Variants in KCMF1 observed in about 807,000 individuals in gnomAD.
KCMF1 encodes the protein potassium channel modulatory factor 1.
Under a neutral mutation model 41.1 loss-of-function variants are expected in KCMF1, and 3 were observed. The ratio of observed to expected loss-of-function variants is 0.07; its 90% CI spans 0.03 to 0.19. The LOEUF is 0.19. Among genes scored for constraint, KCMF1 ranks in the 10% least tolerant of loss-of-function variants. The pLI is 1.00. For missense variants in KCMF1, 286 were observed against 488.9 expected, an observed-to-expected ratio of 0.58 and a Z score of 3.91; for synonymous variants, 142 against 164.5, an observed-to-expected ratio of 0.86 and a Z score of 1.04.
chr2:84,992,068 CCAGACTGT>C (rs1674052544), intron 1 of KCMF1, among the ~76,000 whole-genome samples: 1 of 152,128 alleles, frequency 6.6e-6, no homozygotes, highest in Admixed American at 6.6e-5. Context: ...AACTTTGGAG[CCAGACTGT>C]CTGAGTTCAA....
chr2:85,038,836 G>A (rs374983021), intron 3 of KCMF1, among the ~76,000 whole-genome samples: 1 of 152,154 alleles, frequency 6.6e-6, no homozygotes, highest in South Asian at 2.1e-4. Context: ...CTCAAAAGCA[G>A]AGACGTGAAT....
chr2:85,034,983 T>C, intron 2 of KCMF1, 33 bp from the exon 3 acceptor site: 1 of 1,548,496 alleles, frequency 6.5e-7, no homozygotes, highest in Non-Finnish European at 8.8e-7. Flanking sequence ...TAAAAACTAA[T>C]ATTCCTCAAT....
intron 2 of KCMF1, among the ~76,000 whole-genome samples, chr2:85,030,882 A>G (rs1406515211): frequency 6.6e-6 from 1 of 152,118 alleles, no homozygotes; most frequent in African/African-American, 2.4e-5. Flanking sequence ...TTTTTTGTGG[A>G]GATGGGGTTT....
At chr2:84,990,294 C>G (rs910618062) in intron 1 of KCMF1, among the ~76,000 whole-genome samples, 7 of 152,136 alleles carry the variant, frequency 4.6e-5, no homozygotes, top group Non-Finnish European at 8.8e-5. Context: ...TCTCTAGCAC[C>G]TAGTGCATAT....
intron 1 of KCMF1, among the ~76,000 whole-genome samples, chr2:84,997,388 C>G (rs1038109201): frequency 6.6e-6 from 1 of 151,896 alleles, no homozygotes; most frequent in Non-Finnish European, 1.5e-5. Context: ...TTTTTGCTTT[C>G]TGGATTTCAT....
At chr2:85,024,401 A>C (rs532220812) in intron 1 of KCMF1, among the ~76,000 whole-genome samples, 2 of 152,208 alleles carry the variant, frequency 1.3e-5, no homozygotes, top group Non-Finnish European at 2.9e-5. Context: ...TGAACCCAGG[A>C]GGCGGAGGTT....
intron 1 of KCMF1, among the ~76,000 whole-genome samples, chr2:85,018,774 A>T (rs1037916716): frequency 4.3e-5 from 6 of 139,090 alleles, no homozygotes; most frequent in African/African-American, 1.6e-4. Context: ...TGTTTCTGTT[A>T]TAATACTTTT....
intron 3 of KCMF1, among the ~76,000 whole-genome samples, chr2:85,039,197 A>T (rs1018970336): frequency 5.3e-5 from 8 of 152,218 alleles, no homozygotes; most frequent in Non-Finnish European, 1.2e-4. Flanking sequence ...AATATAACAA[A>T]TTTAGCCAGT....
intron 5 of KCMF1, 22 bp from the exon 6 acceptor site, chr2:85,049,343 AT>A (rs1273012789): frequency 6.2e-7 from 1 of 1,609,246 alleles, no homozygotes; most frequent in Non-Finnish European, 8.5e-7. Flanking sequence ...GCAGACATTA[AT>A]TGTCTTCATT....
intron 1 of KCMF1, among the ~76,000 whole-genome samples, chr2:84,978,394 G>T (rs545909969): frequency 7.2e-5 from 11 of 152,054 alleles, no homozygotes; most frequent in African/African-American, 2.7e-4. Context: ...ATTAAGCTTT[G>T]CAACCTTTTT....
chr2:84,976,639 A>C (rs1237192390), intron 1 of KCMF1, among the ~76,000 whole-genome samples: 1 of 143,048 alleles, frequency 7.0e-6, no homozygotes, highest in Admixed American at 6.7e-5. Flanking sequence ...AAAAAAAAAA[A>C]AACAAAAAAA....
intron 1 of KCMF1, among the ~76,000 whole-genome samples, chr2:85,019,029 G>A (rs940824238): frequency 1.3e-4 from 20 of 151,858 alleles, no homozygotes; most frequent in Admixed American, 7.9e-4. Flanking sequence ...GAGCCACCAC[G>A]CCCAGCCAGA....
At chr2:85,037,326 A>G (rs1193669927) in intron 3 of KCMF1, among the ~76,000 whole-genome samples, 2 of 152,224 alleles carry the variant, frequency 1.3e-5, no homozygotes, top group Admixed American at 6.5e-5. Flanking sequence ...GCAGATAAGA[A>G]TCTTTAATAT....
At position 85,008,363 on chromosome 2, in the gene KCMF1, T is replaced by TATATATGATATATATG. The variant is rs1674556853; in HGVS notation, c.17-19520_17-19519insGATATATATGATATAT. ...ATGATATATAATATATAATATATAT[T>TATATATGATATATATG]ATATATCATATGATATATTATATAT... On this transcript the variant is annotated intron_variant, in intron 1 of 6. Coordinates refer to ENST00000409785, the MANE Select transcript of KCMF1 (RefSeq NM_020122.5). Among the ~76,000 whole-genome samples, 5 of 13,448 alleles carry TATATATGATATATATG rather than the reference T, an allele frequency of 3.7e-4. 1 individual carries two copies. In the South Asian group the frequency reaches 0.017, roughly 46 times the overall value. The allele number at this position is 13,448 out of a possible 152,430, so 8.8% of individuals were successfully genotyped here.
At chr2:85,037,562 G>T (rs371983185) in intron 3 of KCMF1, among the ~76,000 whole-genome samples, 4 of 152,146 alleles carry the variant, frequency 2.6e-5, no homozygotes, top group African/African-American at 9.7e-5. Flanking sequence ...TGATATTACT[G>T]TGTGTCCCCT....
intron 1 of KCMF1, among the ~76,000 whole-genome samples, chr2:84,974,658 C>CATATATATATATATATAT (rs71392939): frequency 3.1e-4 from 9 of 29,336 alleles, no homozygotes; most frequent in Non-Finnish European, 3.9e-4. Flanking sequence ...ATTTTAATTT[C>CATATATATATATATATAT]ATATATATAT....
chr2:84,977,537 C>G (rs1003781160), intron 1 of KCMF1, among the ~76,000 whole-genome samples: 2 of 152,042 alleles, frequency 1.3e-5, no homozygotes, highest in Admixed American at 6.5e-5. Flanking sequence ...CCTCCCACTT[C>G]AGCCTCCATA....
chr2:84,992,752 C>T (rs1456285378), intron 1 of KCMF1, among the ~76,000 whole-genome samples: 1 of 152,100 alleles, frequency 6.6e-6, no homozygotes, highest in Non-Finnish European at 1.5e-5. Context: ...GCCTCAGCCT[C>T]CTGAGTAGCT....
At chr2:85,009,483 T>G (rs1026105740) in intron 1 of KCMF1, among the ~76,000 whole-genome samples, 4 of 152,212 alleles carry the variant, frequency 2.6e-5, no homozygotes, top group Non-Finnish European at 5.9e-5. Context: ...AGTGAGGTCG[T>G]GCTGTACAGG....
Sources: gnomAD v4.1 joint callset for allele counts (sites outside exome capture counted in the v4.1 genomes callset) on GRCh38, gnomAD v4.1.1 for gene constraint, MANE v1.5 for transcripts, NCBI Gene and HGNC (gene_info 2026-07-23, HGNC 2026-07-21) for gene names.